Variants in UGT2A2 observed in about 807,000 individuals in gnomAD.
The protein encoded by UGT2A2 is UDP glucuronosyltransferase family 2 member A2.
UGT2A2 carries 60 observed loss-of-function variants against 50.7 expected under a neutral mutation model. The ratio of observed to expected loss-of-function variants is 1.18; its 90% confidence interval spans 0.96 to 1.47. The LOEUF (loss-of-function observed/expected upper bound fraction) is 1.47, where lower values mean the gene tolerates loss of function less well. UGT2A2 is among the 40% of genes most tolerant of loss of function. The pLI, the probability that UGT2A2 is intolerant of heterozygous loss-of-function variation, is 0.00. For missense variants in UGT2A2, 762 were observed against 634.0 expected (o/e 1.20, Z -2.17); for synonymous variants, 242 against 214.6 (o/e 1.13, Z -1.11).
chr4:69,624,081 C>T (rs567393808), intron 1 of UGT2A2, among the ~76,000 whole-genome samples: 94 of 151,374 alleles, frequency 6.2e-4, no homozygotes, highest in Admixed American at 1.1e-3. Context: ...GAGAGAGGAC[C>T]ATCATAATCT....
At chr4:69,635,400 C>T (rs956908823) in intron 1 of UGT2A2, among the ~76,000 whole-genome samples, 9 of 152,172 alleles carry the variant, frequency 5.9e-5, no homozygotes, top group Non-Finnish European at 1.0e-4. Flanking sequence ...TTCCAGTGGC[C>T]TTACCTGTCT....
intron 1 of UGT2A2, among the ~76,000 whole-genome samples, chr4:69,617,483 G>A (rs1023342208): frequency 3.3e-5 from 5 of 151,754 alleles, no homozygotes; most frequent in African/African-American, 9.7e-5. Flanking sequence ...ATACGTAGAC[G>A]TACAAAACCA....
intron 1 of UGT2A2, among the ~76,000 whole-genome samples, chr4:69,632,830 G>C (rs1721461364): frequency 6.6e-6 from 1 of 151,532 alleles, no homozygotes; most frequent in African/African-American, 2.4e-5. Flanking sequence ...GGGGGTTGCA[G>C]TGAGCCGAGA....
In UGT2A2 at chr4:69,615,688, C is replaced by T. The variant is rs1156417144; in HGVS notation, c.743-16294G>A. The stretch of plus-strand genomic sequence containing the variant: ...TATCATCTGAGCCCAGTTCAAATGG[C>T]TTTTACCACCCTGACCCCGCCGCAA... On this transcript the variant is annotated intron_variant, in intron 1 of 5. Transcript: ENST00000604629. 2.0e-5 allele frequency among the ~76,000 whole-genome samples: 3 copies of T among 151,956 alleles called. No homozygotes were observed. In the East Asian group the frequency reaches 5.8e-4, roughly 29 times the overall value.
intron 5 of UGT2A2, among the ~76,000 whole-genome samples, chr4:69,593,158 A>G (rs747269959): frequency 2.2e-4 from 33 of 152,142 alleles, no homozygotes; most frequent in Non-Finnish European, 2.4e-4. Context: ...GCTAAACATT[A>G]TCTCAGAGAA....
intron 1 of UGT2A2, among the ~76,000 whole-genome samples, chr4:69,620,881 G>A (rs1309024273): frequency 6.6e-6 from 1 of 151,506 alleles, no homozygotes; most frequent in African/African-American, 2.4e-5. Flanking sequence ...TGACAAAACC[G>A]ACAAAACCAA....
At chr4:69,631,758 A>G (rs912809151) in intron 1 of UGT2A2, among the ~76,000 whole-genome samples, 1 of 152,120 alleles carries the variant, frequency 6.6e-6, no homozygotes, top group African/African-American at 2.4e-5. Context: ...TGGGAATTTG[A>G]AGACTACGGA....
At chr4:69,591,167 T>C (rs1165383132) in intron 5 of UGT2A2, among the ~76,000 whole-genome samples, 1 of 152,200 alleles carries the variant, frequency 6.6e-6, no homozygotes, top group African/African-American at 2.4e-5. Flanking sequence ...TATTTGAAGA[T>C]ATTTATTTGT....
intron 1 of UGT2A2, among the ~76,000 whole-genome samples, chr4:69,619,420 CATAAA>C (rs146525091): frequency 1.4e-3 from 212 of 149,406 alleles, no homozygotes; most frequent in Non-Finnish European, 1.9e-3. Flanking sequence ...TACATAAATA[CATAAA>C]ATAAAATAAA....
rs561297737 is a variant in UGT2A2 at position 69,593,915 on chromosome 4, A to C, written c.1331+562T>G. On this transcript the variant is annotated intron_variant, in intron 5 of 5. Transcript: ENST00000604629. ...GATTATCCAGAAAAAATGAGAATTTATATAATCATAGCATTCTTTATTTTG... is the reference window on the plus strand; with the variant it reads ...GATTATCCAGAAAAAATGAGAATTTCTATAATCATAGCATTCTTTATTTTG... 2.6e-3 allele frequency among the ~76,000 whole-genome samples: 387 copies of C among 151,318 alleles called. 1 individual carries two copies. Among genetic ancestry groups the C allele is most frequent in the African/African-American group, 8.9e-3 (368 of 41,296 alleles).
At chr4:69,605,640 T>G (rs983316404) in intron 1 of UGT2A2, among the ~76,000 whole-genome samples, 1 of 136,204 alleles carries the variant, frequency 7.3e-6, no homozygotes, top group African/African-American at 3.0e-5. Context: ...AGGAGCTGGT[T>G]TTTTGAAAAG....
At chr4:69,595,940 G>C (rs1267649077) in intron 3 of UGT2A2, among the ~76,000 whole-genome samples, 1 of 152,136 alleles carries the variant, frequency 6.6e-6, no homozygotes, top group African/African-American at 2.4e-5. Flanking sequence ...TTTGAAAGTA[G>C]TCAGTGGAGA....
At chr4:69,594,435 G>A (rs368036764) in intron 5 of UGT2A2, 42 bp downstream of exon 5, 374 of 1,600,568 alleles carry the variant, frequency 2.3e-4, no homozygotes, top group Non-Finnish European at 3.1e-4. Flanking sequence ...TATGAATAAT[G>A]TAATTAAAGT....
Position 69,639,254 on chromosome 4 carries a change from T to G in UGT2A2, c.387A>C (p.Gln129His), listed in dbSNP as rs1177639632. The part of the protein sequence containing the change: ...ELGKLLDTFF[Q>H]INIQLCDGVL... The stretch of plus-strand genomic sequence containing the variant: ...CACCATCACAGAGTTGTATGTTAAT[T>G]TGAAAGAAAGTGTCTAGAAGTTTTC... Residue 129 changes from glutamine (Q) to histidine (H), a missense_variant, in exon 1 of 6, where the codon CAA becomes CAC. By Grantham distance (24) the Gln-to-His change is conservative. Transcript: ENST00000604629. The G allele has an allele frequency of 6.2e-7, 1 of 1,613,694 alleles. No individual in the cohort carries two copies. Among genetic ancestry groups the G allele is most frequent in the Non-Finnish European group, 8.5e-7 (1 of 1,179,740 alleles).
chr4:69,626,247 G>A (rs1351595721), intron 1 of UGT2A2, among the ~76,000 whole-genome samples: 1 of 150,654 alleles, frequency 6.6e-6, no homozygotes, highest in Non-Finnish European at 1.5e-5. Context: ...AAGTTTATTA[G>A]ATCACATTCT....
chr4:69,598,983 A>G (rs4148298), intron 2 of UGT2A2, among the ~76,000 whole-genome samples: 37,452 of 152,056 alleles, frequency 0.25, 4,991 homozygotes, highest in African/African-American at 0.34. Flanking sequence ...TTTCTGTCCC[A>G]CCAAGTCCAG....
intron 1 of UGT2A2, among the ~76,000 whole-genome samples, chr4:69,605,755 C>T (rs1348837750): frequency 1.5e-5 from 2 of 136,580 alleles, no homozygotes; most frequent in Non-Finnish European, 3.1e-5. Flanking sequence ...CCACCGATCC[C>T]ACAGAAATAC....
intron 1 of UGT2A2, among the ~76,000 whole-genome samples, chr4:69,612,123 G>A (rs917757278): frequency 1.3e-5 from 2 of 151,890 alleles, no homozygotes; most frequent in African/African-American, 4.8e-5. Context: ...AAATTCCAAG[G>A]TTAATAGGCA....
chr4:69,625,828 C>G (rs971772124), intron 1 of UGT2A2, among the ~76,000 whole-genome samples: 2 of 151,492 alleles, frequency 1.3e-5, no homozygotes, highest in Non-Finnish European at 3.0e-5. Context: ...ATTAATTAGT[C>G]TTGTAAGTTG....
Sources: gnomAD v4.1 joint callset for allele counts (sites outside exome capture counted in the v4.1 genomes callset) on GRCh38, gnomAD v4.1.1 for gene constraint, MANE v1.5 for transcripts, NCBI Gene and HGNC (gene_info 2026-07-23, HGNC 2026-07-21) for gene names.